Variants in FBN1 observed in about 807,000 individuals in gnomAD.
FBN1 encodes the protein fibrillin 1, also known as fibrillin-1.
Under a neutral mutation model 365.1 loss-of-function variants are expected in FBN1, and 29 were observed. The ratio of observed to expected loss-of-function variants is 0.08; its 90% CI spans 0.06 to 0.11. The LOEUF (loss-of-function observed/expected upper bound fraction) is 0.11. Among genes scored for constraint, FBN1 ranks in the 10% least tolerant of loss-of-function variants. The pLI, the probability that FBN1 is intolerant of heterozygous loss-of-function variation, is 1.00. For missense variants in FBN1, 2,476 were observed against 3,703.2 expected (o/e 0.67, Z 8.60); for synonymous variants, 1,210 against 1,270.5 (o/e 0.95, Z 1.01).
At chr15:48,550,106 T>C (rs1292017326) in intron 6 of FBN1, among the ~76,000 whole-genome samples, 2 of 152,234 alleles carry the variant, frequency 1.3e-5, no homozygotes, top group Admixed American at 1.3e-4. Context: ...CAGTCTCAGC[T>C]CAGCAACTAA....
rs16961174 is a variant in FBN1, at chr15:48,572,680, T to C, written c.538+23603A>G. Among the ~76,000 whole-genome samples the C allele has an allele frequency of 0.017, 2,570 of 152,068 alleles. 204 individuals carry two copies. In the East Asian group the frequency reaches 0.24, roughly 14 times the overall value. On this transcript the variant is annotated intron_variant, in intron 6 of 65. Coordinates refer to ENST00000316623, the MANE Select transcript of FBN1 (RefSeq NM_000138.5). ...ACAAATGGCCACGAAATCATACACATAGTAAATTGACAAGATTAAAAACTC... is the reference window on the plus strand; with the variant it reads ...ACAAATGGCCACGAAATCATACACACAGTAAATTGACAAGATTAAAAACTC...
At chr15:48,579,144 T>C (rs1040763620) in intron 6 of FBN1, among the ~76,000 whole-genome samples, 4 of 151,578 alleles carry the variant, frequency 2.6e-5, no homozygotes, top group Non-Finnish European at 5.9e-5. Context: ...GCAGGGCAAA[T>C]GCAATTTGAG....
At chr15:48,437,295 G>A (rs1385965827) in intron 52 of FBN1, 27 bp downstream of exon 52, 1 of 1,595,134 alleles carries the variant, frequency 6.3e-7, no homozygotes, top group Non-Finnish European at 8.6e-7. Flanking sequence ...ACTGAGAAAT[G>A]CTGAGAATCC....
chr15:48,513,748 C>A lies in FBN1; in HGVS notation c.1469-80G>T. Reference sequence around the variant, plus strand: ...TAAGACTTTCTGGGTTCCTTTTATACATATAAAACATTTTCCTTTTGAGAA... The same window carrying A: ...TAAGACTTTCTGGGTTCCTTTTATAAATATAAAACATTTTCCTTTTGAGAA... On this transcript the variant is annotated intron_variant, in intron 12 of 65. Transcript: ENST00000316623. 2.7e-6 allele frequency: 4 copies of A among 1,478,418 alleles called. No homozygotes were observed. In the South Asian group the frequency reaches 4.7e-5, roughly 17 times the overall value. The allele number at this position is 1,478,418 out of a possible 1,614,324, so 91.6% of individuals were successfully genotyped here.
Position 48,644,582 on chromosome 15 carries a change from A to G in FBN1, c.164+24T>C, listed in dbSNP as rs899752085. On this transcript the variant is annotated intron_variant, in intron 2 of 65. Transcript: ENST00000316623. ...TCTTGAAACTTGGGAGACCCACACCAAAGGAGGGAACCGGTTCCTTTACCC... is the reference window on the plus strand; with the variant it reads ...TCTTGAAACTTGGGAGACCCACACCGAAGGAGGGAACCGGTTCCTTTACCC... 9 of 1,613,800 alleles carry G rather than the reference A, an allele frequency of 5.6e-6. No individual in the cohort carries two copies. In the Middle Eastern group the frequency reaches 9.9e-4, roughly 178 times the overall value.
intron 50 of FBN1, among the ~76,000 whole-genome samples, chr15:48,440,968 G>GA (rs1294544947): frequency 6.6e-6 from 1 of 150,546 alleles, no homozygotes; most frequent in Non-Finnish European, 1.5e-5. Context: ...GCTACAAGTG[G>GA]AAAAAAAAGA....
intron 10 of FBN1, among the ~76,000 whole-genome samples, chr15:48,518,411 C>T (rs958863079): frequency 6.6e-6 from 1 of 152,212 alleles, no homozygotes; most frequent in Non-Finnish European, 1.5e-5. Flanking sequence ...TATTAAATGA[C>T]AGTTACATTA....
chr15:48,429,619 A>G (rs2043010152), intron 56 of FBN1, among the ~76,000 whole-genome samples: 1 of 152,228 alleles, frequency 6.6e-6, no homozygotes, highest in South Asian at 2.1e-4. Context: ...GAACAATTCA[A>G]TCAGAATATC....
intron 10 of FBN1, among the ~76,000 whole-genome samples, chr15:48,519,199 G>T (rs1414867140): frequency 1.3e-5 from 2 of 152,170 alleles, no homozygotes; most frequent in Non-Finnish European, 2.9e-5. Context: ...TCCCCTACTG[G>T]ACTCAGGAAG....
chr15:48,447,431 T>C lies in FBN1; in HGVS notation c.5672-609A>G, dbSNP rs1018550726. Among the ~76,000 whole-genome samples the C allele has an allele frequency of 2.0e-5, 3 of 152,236 alleles. No homozygotes were observed. In the East Asian group the frequency reaches 5.8e-4, roughly 29 times the overall value. On this transcript the variant is annotated intron_variant, in intron 46 of 65. Coordinates refer to ENST00000316623, the MANE Select transcript of FBN1 (RefSeq NM_000138.5). ...GATGGCACTTAATTTGTTCTTTTCA[T>C]ACATGCTTGCATTCTTATTCGCCTT...
intron 49 of FBN1, among the ~76,000 whole-genome samples, chr15:48,443,234 TTCCACCCCTATA>T (rs2043130069): frequency 6.6e-6 from 1 of 152,192 alleles, no homozygotes; most frequent in South Asian, 2.1e-4. Flanking sequence ...CTGACACTCC[TTCCACCCCTATA>T]TCCAACCTTT....
Position 48,463,011 on chromosome 15 carries a change from A to T in FBN1, c.5224+71T>A, listed in dbSNP as rs1228766043. 7 of 1,474,350 alleles carry T rather than the reference A, an allele frequency of 4.7e-6. No homozygotes were observed. The African/African-American group carries it at 6.9e-5, about 15-fold the overall frequency. The allele number at this position is 1,474,350 out of a possible 1,614,324, so 91.3% of individuals were successfully genotyped here. ...TGCACACTTTGCTTCCTTCGCTAAGACTGATTTCCCCAACAATTCATGGGT... is the reference window on the plus strand; with the variant it reads ...TGCACACTTTGCTTCCTTCGCTAAGTCTGATTTCCCCAACAATTCATGGGT... On this transcript the variant is annotated intron_variant, in intron 42 of 65. Transcript: ENST00000316623.
intron 6 of FBN1, among the ~76,000 whole-genome samples, chr15:48,583,603 TC>T (rs1390319878): frequency 1.3e-5 from 2 of 152,198 alleles, no homozygotes. Flanking sequence ...GCTAAGTACC[TC>T]TTATATTTCG....
rs758465618 is a variant in FBN1, at chr15:48,644,791, C to T, written c.-22G>A. 4 of 1,601,202 alleles carry T rather than the reference C, an allele frequency of 2.5e-6. No homozygotes were observed. In the South Asian group the frequency reaches 4.4e-5, roughly 18 times the overall value. ...GCATGATGCCGAGCCGCCACCGGCT[C>T]CCGCCGCCTCTTGCCGCGCCCGGGG... On this transcript the variant is annotated 5_prime_UTR_variant, in exon 2 of 66. Coordinates refer to ENST00000316623, the MANE Select transcript of FBN1 (RefSeq NM_000138.5).
At position 48,445,413 on chromosome 15, in the gene FBN1, T is replaced by C; in HGVS notation, c.5880A>G (p.Glu1960=). 6.2e-7 allele frequency: 1 copy of C among 1,612,696 alleles called. No homozygotes were observed. Among genetic ancestry groups the C allele is most frequent in the Non-Finnish European group, 8.5e-7 (1 of 1,179,140 alleles). ...TCCCATCTGGAGCCACCTCATAGCCTTCATTGCACTGGCACTGGAAAGACC... is the reference window on the plus strand; with the variant it reads ...TCCCATCTGGAGCCACCTCATAGCCCTCATTGCACTGGCACTGGAAAGACC... ...TVGSFQCQCN[E]GYEVAPDGRT... The change falls in exon 48 of 66, where the codon GAA becomes GAG. Residue 1960 remains glutamate (E), a synonymous_variant. Transcript: ENST00000316623.
At chr15:48,439,099 A>G (rs1208214271) in intron 50 of FBN1, among the ~76,000 whole-genome samples, 3 of 152,212 alleles carry the variant, frequency 2.0e-5, no homozygotes, top group Non-Finnish European at 4.4e-5. Context: ...TTATTTCATG[A>G]CAAAGAAGAC....
intron 63 of FBN1, among the ~76,000 whole-genome samples, 178 bp downstream of exon 63, chr15:48,420,509 T>G (rs2042931843): frequency 6.6e-6 from 1 of 152,206 alleles, no homozygotes. Context: ...ATAATTTTTT[T>G]TCTTAGTTTG....
At chr15:48,476,424 T>A (rs1488357188) in intron 32 of FBN1, among the ~76,000 whole-genome samples, 1 of 152,042 alleles carries the variant, frequency 6.6e-6, no homozygotes, top group Non-Finnish European at 1.5e-5. Context: ...ATTTTCTAAG[T>A]GGAAAGAACT....
intron 63 of FBN1, among the ~76,000 whole-genome samples, chr15:48,418,258 T>C (rs144557838): frequency 2.3e-4 from 35 of 152,354 alleles, no homozygotes; most frequent in East Asian, 1.9e-3. Context: ...AGGATTTATA[T>C]ATTAGGAAAG....
Sources: gnomAD v4.1 joint callset for allele counts (sites outside exome capture counted in the v4.1 genomes callset) on GRCh38, gnomAD v4.1.1 for gene constraint, MANE v1.5 for transcripts, NCBI Gene and HGNC (gene_info 2026-07-23, HGNC 2026-07-21) for gene names.